HMGXB3: variants seen among roughly 807,000 people sequenced by gnomAD.
The protein encoded by HMGXB3 is HMG-box containing 3, also known as HMG domain-containing protein 3.
HMGXB3 carries 45 observed loss-of-function variants against 121.5 expected under a neutral mutation model. The observed-to-expected ratio is 0.37, with a 90% CI of 0.29 to 0.47. The LOEUF (loss-of-function observed/expected upper bound fraction) is 0.47, where lower values mean the gene tolerates loss of function less well. Ranked by LOEUF, HMGXB3 falls within the 20% of genes least tolerant of loss-of-function variation. The pLI is 0.99. For synonymous variants in HMGXB3, 590 were observed against 624.1 expected, an observed-to-expected ratio of 0.95 and a Z score of 0.81; for missense variants, 1,376 against 1,602.2, an observed-to-expected ratio of 0.86 and a Z score of 2.41.
In HMGXB3 at chr5:150,036,895, A is replaced by G; in HGVS notation, c.2243A>G (p.Gln748Arg). 6 of 1,551,690 alleles carry G rather than the reference A, an allele frequency of 3.9e-6. No individual in the cohort carries two copies. Among genetic ancestry groups the G allele is most frequent in the Non-Finnish European group, 5.2e-6 (6 of 1,146,984 alleles). ...WSNYYESPST[Q>R]CLLCSSPLFK... ...AATTATTATGAGTCTCCGTCCACGC[A>G]GTGCCTTCTCTGTAGCAGCCCATTA... Residue 748 changes from glutamine (Q) to arginine (R), a missense_variant, in exon 12 of 20, where the codon CAG becomes CGG. By Grantham distance (43) the Gln-to-Arg change is conservative. This residue lies in a region of HMGXB3 where 1,116 missense variants were observed against 1,369.0 expected (regional missense o/e 0.82). Coordinates refer to ENST00000502717, the MANE Select transcript of HMGXB3 (RefSeq NM_014983.3).
intron 6 of HMGXB3, among the ~76,000 whole-genome samples, chr5:150,022,951 C>T (rs560982433): frequency 4.0e-5 from 6 of 150,598 alleles, no homozygotes; most frequent in African/African-American, 1.5e-4. Flanking sequence ...GCTGGGAACA[C>T]AGGCACACAG....
In HMGXB3 at chr5:150,010,282, C is replaced by T. The variant is rs1226463619; in HGVS notation, c.484C>T (p.Pro162Ser). 6.4e-7 allele frequency: 1 copy of T among 1,551,786 alleles called. No individual in the cohort carries two copies. The highest frequency in any genetic ancestry group is 2.0e-5 in the Admixed American group (1 of 51,012). ...GAACCAGATGTCCCCGAAAGGACCT[C>T]CTCTTGTGTCCAACACTGCCCCGGA... ...AQNQMSPKGP[P>S]LVSNTAPETV... Residue 162 changes from proline to serine, a missense_variant, in exon 4 of 20, where the codon CCT becomes TCT. Pro to Ser is a moderately conservative substitution (Grantham distance 74, BLOSUM62 -1). Around this residue, in one of 2 missense-constraint regions of HMGXB3, gnomAD observed 1,116 missense variants for 1,369.0 expected, o/e 0.82. Transcript: ENST00000502717.
chr5:150,021,165 T>G (rs1756084085), intron 6 of HMGXB3, among the ~76,000 whole-genome samples: 1 of 152,234 alleles, frequency 6.6e-6, no homozygotes, highest in Non-Finnish European at 1.5e-5. Context: ...CTGCAAGGAT[T>G]ACCATGTCAA....
At chr5:150,037,058 C>T in intron 12 of HMGXB3, 121 bp downstream of exon 12, 1 of 914,902 alleles carries the variant, frequency 1.1e-6, no homozygotes, top group Non-Finnish European at 1.6e-6. Context: ...TTTTAGGCTT[C>T]CTTTAACTTT....
In HMGXB3 at chr5:150,048,718, A is replaced by G. The variant is rs558120537; in HGVS notation, c.3201+33A>G. ...AATAACTAGGGGGAGCTTGGAGTGA[A>G]TTTGCTAATGTTGAACTTCCCATAC... On this transcript the variant is annotated intron_variant, in intron 18 of 19. Coordinates refer to ENST00000502717, the MANE Select transcript of HMGXB3 (RefSeq NM_014983.3). The G allele has an allele frequency of 6.5e-5, 94 of 1,436,544 alleles. No homozygotes were observed. The African/African-American group carries it at 1.2e-3, about 19-fold the overall frequency. 89.0% of individuals were successfully genotyped at this position (1,436,544 alleles called of 1,614,324 possible). A position where few individuals can be genotyped will look rare whatever the true frequency, so the allele number is the denominator to read the frequency against.
chr5:150,028,507 G>A (rs1168494336), intron 9 of HMGXB3, among the ~76,000 whole-genome samples: 21 of 34,494 alleles, frequency 6.1e-4, no homozygotes, highest in African/African-American at 4.5e-3. Context: ...ATGTATGTAT[G>A]TGTGTGTGTG....
chr5:150,011,583 GTT>G (rs1755838081), intron 4 of HMGXB3, among the ~76,000 whole-genome samples: 1 of 148,680 alleles, frequency 6.7e-6, no homozygotes, highest in Non-Finnish European at 1.5e-5. Context: ...GGTTGTTGTT[GTT>G]GTTGGTTGTT....
intron 2 of HMGXB3, 120 bp from the exon 3 acceptor site, chr5:150,006,353 C>A: frequency 1.4e-6 from 1 of 721,502 alleles, no homozygotes; most frequent in Non-Finnish European, 2.2e-6. Context: ...CATATCTTAG[C>A]ATAGTAGTAC....
At position 150,001,044 on chromosome 5, in the gene HMGXB3, C is replaced by T. The variant is rs1044059305; in HGVS notation, c.-138C>T. ...GCGCGCGAGCCCTCGCCTCCACTTC[C>T]TTGTTGCTGCTGTCACGACTGGAGC... On this transcript the variant is annotated 5_prime_UTR_variant, in exon 1 of 20. Transcript: ENST00000502717. The T allele has an allele frequency of 5.8e-5, 9 of 154,360 alleles. No individual in the cohort carries two copies. The highest frequency in any genetic ancestry group is 1.9e-4 in the African/African-American group (8 of 41,542). 9.6% of individuals were successfully genotyped at this position (154,360 alleles called of 1,614,324 possible).
chr5:150,032,428 A>C, intron 10 of HMGXB3, 26 bp from the exon 11 acceptor site: 1 of 1,548,002 alleles, frequency 6.5e-7, no homozygotes, highest in Non-Finnish European at 8.7e-7. Flanking sequence ...TTTTTGTAGA[A>C]TTGAACACTG....
chr5:150,036,597 T>C, intron 11 of HMGXB3, 39 bp from the exon 12 acceptor site: 1 of 1,477,372 alleles, frequency 6.8e-7, no homozygotes, highest in South Asian at 1.4e-5. Context: ...TGGCTCTTTC[T>C]GCTCTGAGTG....
At chr5:150,037,989 C>T (rs6888440) in intron 13 of HMGXB3, among the ~76,000 whole-genome samples, 38,889 of 152,146 alleles carry the variant, frequency 0.26, 8,311 homozygotes, top group African/African-American at 0.58. Flanking sequence ...ACATTGTGGG[C>T]ATCTTCCTGT....
At chr5:150,020,962 C>G (rs938784018) in intron 6 of HMGXB3, among the ~76,000 whole-genome samples, 2 of 152,000 alleles carry the variant, frequency 1.3e-5, no homozygotes, top group African/African-American at 2.4e-5. Flanking sequence ...AGGCTGGTGT[C>G]GAACTCCTGG....
Position 150,052,214 on chromosome 5 carries a change from T to A in HMGXB3, c.*22T>A. On this transcript the variant is annotated 3_prime_UTR_variant, in exon 20 of 20. Transcript: ENST00000502717. ...ATAAGCCAGGCTGTTGTACAGGGAC[T>A]ACACCATCTCTCAAGCCATAGTAAG... 6.7e-7 allele frequency: 1 copy of A among 1,498,696 alleles called. No individual in the cohort carries two copies. Among genetic ancestry groups the A allele is most frequent in the Non-Finnish European group, 9.0e-7 (1 of 1,111,558 alleles). 92.8% of individuals were successfully genotyped at this position (1,498,696 alleles called of 1,614,324 possible).
At chr5:150,022,263 A>G (rs946893809) in intron 6 of HMGXB3, among the ~76,000 whole-genome samples, 1 of 152,258 alleles carries the variant, frequency 6.6e-6, no homozygotes, top group African/African-American at 2.4e-5. Context: ...AAAAGCTCCA[A>G]GTGTGTTTGT....
Position 150,032,505 on chromosome 5 carries a change from T to C in HMGXB3, c.1885T>C (p.Cys629Arg). ...CCGGGGAAAGTGCAAGAATCCCTCT[T>C]GTAGCTATGTCTACACCAACAGGCA... ...RGRGKCKNPS[C>R]SYVYTNRHKP... The change falls in exon 11 of 20, where the codon TGT (cysteine) becomes CGT (arginine). Residue 629 changes from cysteine (C) to arginine (R), a missense_variant. Cys to Arg is a radical substitution (Grantham distance 180, BLOSUM62 -3). Coordinates refer to ENST00000502717, the MANE Select transcript of HMGXB3 (RefSeq NM_014983.3). 6.4e-7 allele frequency: 1 copy of C among 1,551,880 alleles called. No individual in the cohort carries two copies. The highest frequency in any genetic ancestry group is 8.7e-7 in the Non-Finnish European group (1 of 1,147,030).
rs570674868 is a variant in HMGXB3, at chr5:150,041,990, G to A, written c.2730+21G>A. On this transcript the variant is annotated intron_variant, in intron 15 of 19. Transcript: ENST00000502717. ...TGGAGGTAAGTGCCTCTTAGCCACC[G>A]TGAGGGACCTGCGGAATTTTCTCAT... 1.9e-5 allele frequency: 29 copies of A among 1,540,622 alleles called. No individual in the cohort carries two copies. The South Asian group carries it at 2.4e-4, about 13-fold the overall frequency.
intron 6 of HMGXB3, among the ~76,000 whole-genome samples, chr5:150,020,746 C>CTT (rs34111560): frequency 6.7e-4 from 90 of 135,254 alleles, no homozygotes; most frequent in African/African-American, 1.2e-3. Flanking sequence ...ACTGAAACAG[C>CTT]TTTTTTTTTT....
chr5:150,001,696 C>T (rs1049409431), intron 1 of HMGXB3, among the ~76,000 whole-genome samples: 5 of 152,150 alleles, frequency 3.3e-5, no homozygotes, highest in Non-Finnish European at 7.3e-5. Context: ...CATTGCTATA[C>T]TGCTGCCTCG....
Sources: allele counts gnomAD v4.1 joint callset (sites outside exome capture counted in the v4.1 genomes callset), GRCh38; gene constraint gnomAD v4.1.1; regional missense constraint gnomAD v4.1.1; transcripts MANE v1.5; gene names NCBI Gene and HGNC (gene_info 2026-07-23, HGNC 2026-07-21).